The following CCDC150 variants were observed in gnomAD, a reference collection of about 807,000 sequenced individuals.
CCDC150 encodes the protein coiled-coil domain-containing protein 150.
CCDC150 carries 151 observed loss-of-function variants against 156.5 expected under a neutral mutation model. That is an observed-to-expected ratio of 0.97 (90% CI 0.85 to 1.10). The LOEUF is 1.10. Among genes scored for constraint, CCDC150 ranks in the 50% least tolerant of loss-of-function variants. The probability of loss-of-function intolerance (pLI) is 0.00; values close to 1 mark genes in which losing one functional copy is unlikely to be tolerated. For missense variants in CCDC150, 1,312 were observed against 1,268.1 expected (o/e 1.03, Z -0.53); for synonymous variants, 452 against 429.4 (o/e 1.05, Z -0.65).
chr2:196,698,175 A>G (rs1178129459), intron 14 of CCDC150, among the ~76,000 whole-genome samples: 1 of 152,214 alleles, frequency 6.6e-6, no homozygotes, highest in African/African-American at 2.4e-5. Context: ...TACAGGGCCT[A>G]TTTAAATCTG....
intron 13 of CCDC150, 92 bp from the exon 14 acceptor site, chr2:196,694,952 TCC>T: frequency 7.7e-6 from 5 of 653,206 alleles, no homozygotes; most frequent in Non-Finnish European, 1.3e-5. Context: ...GACAATACTG[TCC>T]ATTTTACAGT....
Position 196,676,664 on chromosome 2 carries a change from G to C in CCDC150, c.1373G>C (p.Gly458Ala). The C allele has an allele frequency of 6.2e-7, 1 of 1,613,836 alleles. No individual in the cohort carries two copies. The change falls in exon 12 of 28, where the codon GGT becomes GCT. Residue 458 changes from glycine (G) to alanine (A), a missense_variant. By Grantham distance (60) the Gly-to-Ala change is moderately conservative (BLOSUM62 0). Coordinates refer to ENST00000389175, the MANE Select transcript of CCDC150 (RefSeq NM_001080539.2). The stretch of plus-strand genomic sequence containing the variant: ...GAATCAACTATTGCAAGATTGCGAG[G>C]TGAATTGGAAGCATCAATGCAAGAG... ...LLESTIARLR[G>A]ELEASMQEKK...
intron 15 of CCDC150, among the ~76,000 whole-genome samples, chr2:196,709,770 C>A (rs867239312): frequency 6.6e-6 from 1 of 152,220 alleles, no homozygotes; most frequent in Non-Finnish European, 1.5e-5. Flanking sequence ...GGTCCCTCAG[C>A]TGCAGGTCTG....
At chr2:196,642,363 T>A (rs1179002262) in intron 1 of CCDC150, among the ~76,000 whole-genome samples, 1 of 152,116 alleles carries the variant, frequency 6.6e-6, no homozygotes, top group East Asian at 1.9e-4. Context: ...TGTGCGTGTA[T>A]TTATGTATGT....
intron 11 of CCDC150, 113 bp from the exon 12 acceptor site, chr2:196,676,441 T>C: frequency 1.5e-6 from 2 of 1,295,520 alleles, no homozygotes; most frequent in East Asian, 2.3e-5. Flanking sequence ...TGTTAGAACA[T>C]TTTGGTAACT....
Position 196,646,433 on chromosome 2 carries a change from G to A in CCDC150, c.105G>A (p.Arg35=). ...AAACATTCACAGTACTTCAGCAAAGGATGAGAATAGTTGAGGAACAGACCA... is the reference window on the plus strand; with the variant it reads ...AAACATTCACAGTACTTCAGCAAAGAATGAGAATAGTTGAGGAACAGACCA... ...ASETFTVLQQ[R]MRIVEEQTSS... The change falls in exon 2 of 28, where the codon AGG becomes AGA. Residue 35 remains arginine, a synonymous_variant. Coordinates refer to ENST00000389175, the MANE Select transcript of CCDC150 (RefSeq NM_001080539.2). The A allele has an allele frequency of 6.2e-7, 1 of 1,613,826 alleles. No homozygotes were observed.
At chr2:196,691,437 G>A (rs924736433) in intron 13 of CCDC150, among the ~76,000 whole-genome samples, 6 of 152,076 alleles carry the variant, frequency 3.9e-5, no homozygotes, top group Non-Finnish European at 7.4e-5. Flanking sequence ...TTAAGTCTTG[G>A]GAGGGTGTAT....
chr2:196,651,325 G>A (rs1392823898), intron 2 of CCDC150, among the ~76,000 whole-genome samples: 1 of 152,164 alleles, frequency 6.6e-6, no homozygotes, highest in Non-Finnish European at 1.5e-5. Context: ...TTAATAACCT[G>A]CTATTACAGC....
chr2:196,657,789 AG>A (rs1157009454), intron 4 of CCDC150, among the ~76,000 whole-genome samples: 1 of 152,212 alleles, frequency 6.6e-6, no homozygotes, highest in African/African-American at 2.4e-5. Flanking sequence ...CTTGTGAAGT[AG>A]GATATTATTA....
intron 13 of CCDC150, among the ~76,000 whole-genome samples, chr2:196,679,125 T>C (rs1694669508): frequency 6.6e-6 from 1 of 152,236 alleles, no homozygotes; most frequent in Non-Finnish European, 1.5e-5. Context: ...TTTTAAAATA[T>C]GTGTTCTTTT....
At chr2:196,718,697 C>A in intron 18 of CCDC150, 66 bp downstream of exon 18, 1 of 1,539,192 alleles carries the variant, frequency 6.5e-7, no homozygotes, top group Middle Eastern at 1.7e-4. Flanking sequence ...CTTTCATGAG[C>A]CATATGTTTC....
At chr2:196,685,847 C>A (rs1286945519) in intron 13 of CCDC150, among the ~76,000 whole-genome samples, 1 of 152,038 alleles carries the variant, frequency 6.6e-6, no homozygotes, top group African/African-American at 2.4e-5. Context: ...ATCTCCTGAC[C>A]TCGTGATCCG....
chr2:196,705,490 T>TA (rs1209130039), intron 15 of CCDC150, among the ~76,000 whole-genome samples: 1 of 152,250 alleles, frequency 6.6e-6, no homozygotes, highest in Non-Finnish European at 1.5e-5. Flanking sequence ...TCTCCCATTC[T>TA]GTAGGTTGCC....
Position 196,732,548 on chromosome 2 carries a change from G to A in CCDC150, c.3292G>A (p.Val1098Ile), listed in dbSNP as rs758618107. 2 of 1,609,648 alleles carry A rather than the reference G, an allele frequency of 1.2e-6. No homozygotes were observed. Among genetic ancestry groups the A allele is most frequent in the Non-Finnish European group, 1.7e-6 (2 of 1,176,108 alleles). The change falls in exon 28 of 28, where the codon GTA becomes ATA. Residue 1098 changes from valine to isoleucine, a missense_variant. By Grantham distance (29) the Val-to-Ile change is conservative. Transcript: ENST00000389175. ...RPMPKKYHSE[V>I]QRK The stretch of plus-strand genomic sequence containing the variant: ...CATGCCCAAGAAGTATCATTCTGAG[G>A]TACAGAGGAAGTGATGTCCTTGACA...
rs73055136 is a variant in CCDC150 at position 196,677,097 on chromosome 2, G to A, written c.1441-196G>A. 1,246 of 697,896 alleles carry A rather than the reference G, an allele frequency of 1.8e-3. 14 individuals carry two copies. In the African/African-American group the frequency reaches 0.019, roughly 11 times the overall value. The allele number at this position is 697,896 out of a possible 1,614,324, so 43.2% of individuals were successfully genotyped here. On this transcript the variant is annotated intron_variant, in intron 12 of 27. Coordinates refer to ENST00000389175, the MANE Select transcript of CCDC150 (RefSeq NM_001080539.2). Reference sequence around the variant, plus strand: ...AACCAGCAGAGTCTGACATGCAGACGTGTCTTTCTAATTTCAGGGCTATTT... The same window carrying A: ...AACCAGCAGAGTCTGACATGCAGACATGTCTTTCTAATTTCAGGGCTATTT...
intron 21 of CCDC150, among the ~76,000 whole-genome samples, chr2:196,722,468 G>T (rs1382756737): frequency 6.6e-6 from 1 of 150,552 alleles, no homozygotes; most frequent in Non-Finnish European, 1.5e-5. Flanking sequence ...AAGAGATAGG[G>T]TTTCTCCATG....
intron 21 of CCDC150, 58 bp from the exon 22 acceptor site, chr2:196,725,915 T>A (rs1698180728): frequency 6.6e-7 from 1 of 1,516,290 alleles, no homozygotes; most frequent in Admixed American, 2.1e-5. Flanking sequence ...CTCCAAAACT[T>A]TCTTACCTCC....
rs754204668 is a variant in CCDC150 at position 196,718,638 on chromosome 2, A to C, written c.1995+7A>C. 4 of 1,613,002 alleles carry C rather than the reference A, an allele frequency of 2.5e-6. No homozygotes were observed. Among genetic ancestry groups the C allele is most frequent in the Admixed American group, 3.3e-5 (2 of 59,966 alleles). ...GGACAGGGAAAACAAGAAGGCAAGG[A>C]ATCAGTCCCTTCTGACCGTCTGTCA... On this transcript the variant is annotated splice_region_variant and intron_variant, in intron 18 of 27. Transcript: ENST00000389175.
chr2:196,711,521 C>T (rs970033790), intron 15 of CCDC150, among the ~76,000 whole-genome samples: 3 of 152,046 alleles, frequency 2.0e-5, no homozygotes, highest in South Asian at 2.1e-4. Context: ...TATGGAAAAA[C>T]GTATAATTTG....
Sources: gnomAD v4.1 joint callset for allele counts (sites outside exome capture counted in the v4.1 genomes callset) on GRCh38, gnomAD v4.1.1 for gene constraint, MANE v1.5 for transcripts, NCBI Gene and HGNC (gene_info 2026-07-23, HGNC 2026-07-21) for gene names.